The following BACH2 variants were observed in gnomAD, a reference collection of about 807,000 sequenced individuals.
BACH2 encodes BACH transcriptional regulator 2, also known as transcription regulator protein BACH2.
A neutral mutation model predicts 61.8 loss-of-function variants in BACH2; 5 were observed. The ratio of observed to expected loss-of-function variants is 0.08; its 90% CI spans 0.04 to 0.17. The LOEUF is 0.17. Ranked by LOEUF, BACH2 falls within the 10% of genes least tolerant of loss-of-function variation. The probability of loss-of-function intolerance (pLI) is 1.00; values close to 1 mark genes in which losing one functional copy is unlikely to be tolerated. For missense variants in BACH2, 824 were observed against 1,091.1 expected (o/e 0.76, Z 3.45); for synonymous variants, 446 against 440.1 (o/e 1.01, Z -0.17).
intron 5 of BACH2, among the ~76,000 whole-genome samples, chr6:90,045,040 G>A (rs1172002590): frequency 6.6e-6 from 1 of 152,128 alleles, no homozygotes; most frequent in African/African-American, 2.4e-5. Flanking sequence ...AAGCTTATGT[G>A]GGCTGAATGA....
intron 5 of BACH2, among the ~76,000 whole-genome samples, chr6:90,020,892 G>C (rs1778334960): frequency 6.6e-6 from 1 of 152,170 alleles, no homozygotes; most frequent in Non-Finnish European, 1.5e-5. Flanking sequence ...ATAGCATGGA[G>C]GAGTATGACA....
rs1772402338 is a variant in BACH2, at chr6:90,296,582, C to T, written c.-548G>A. 2.0e-5 allele frequency: 3 copies of T among 151,898 alleles called. No homozygotes were observed. The highest frequency in any genetic ancestry group is 1.9e-4 in the East Asian group (1 of 5,206). 9.4% of individuals were successfully genotyped at this position (151,898 alleles called of 1,614,324 possible). A position where few individuals can be genotyped will look rare whatever the true frequency, so the allele number is the denominator to read the frequency against. ...GGCGAGGTGGGCAGTTCGTGGGTCA[C>T]CGAAAGCTCGCGGAGGGGACGCGCA... On this transcript the variant is annotated 5_prime_UTR_variant, in exon 1 of 9. The change creates a new upstream start codon in the 5' untranslated region. Coordinates refer to ENST00000257749, the MANE Select transcript of BACH2 (RefSeq NM_021813.4).
intron 4 of BACH2, among the ~76,000 whole-genome samples, chr6:90,091,304 C>T (rs759404636): frequency 3.9e-5 from 6 of 152,018 alleles, no homozygotes; most frequent in South Asian, 4.1e-4. Context: ...TATATTGACA[C>T]GGGGAAGGCT....
intron 3 of BACH2, among the ~76,000 whole-genome samples, chr6:90,248,652 G>C (rs1316554560): frequency 2.0e-5 from 3 of 152,158 alleles, no homozygotes; most frequent in African/African-American, 7.2e-5. Flanking sequence ...GCATTTCAGG[G>C]AGAAAAGCAG....
chr6:90,005,991 C>T (rs1413948021), intron 6 of BACH2, among the ~76,000 whole-genome samples: 5 of 152,232 alleles, frequency 3.3e-5, no homozygotes, highest in South Asian at 4.2e-4. Flanking sequence ...GATTTTTGTG[C>T]GATGTCTATA....
chr6:90,148,978 C>T (rs759499939), intron 4 of BACH2, among the ~76,000 whole-genome samples: 20 of 152,166 alleles, frequency 1.3e-4, no homozygotes, highest in Non-Finnish European at 2.2e-4. Context: ...GAACCAAATG[C>T]TTCCAGAGTG....
intron 6 of BACH2, among the ~76,000 whole-genome samples, chr6:89,983,321 T>G (rs893760663): frequency 1.3e-5 from 2 of 152,224 alleles, no homozygotes; most frequent in African/African-American, 4.8e-5. Context: ...CACTTGGAAC[T>G]TGTACTCCAG....
intron 6 of BACH2, among the ~76,000 whole-genome samples, chr6:89,978,177 G>C (rs1582130460): frequency 6.6e-6 from 1 of 152,332 alleles, no homozygotes; most frequent in African/African-American, 2.4e-5. Flanking sequence ...TTATCATATA[G>C]AGTGGAGACA....
chr6:90,159,645 T>A (rs1267757483), intron 4 of BACH2, among the ~76,000 whole-genome samples: 1 of 151,612 alleles, frequency 6.6e-6, no homozygotes, highest in Non-Finnish European at 1.5e-5. Context: ...GGACATAACC[T>A]ATTTTCTCTA....
intron 5 of BACH2, among the ~76,000 whole-genome samples, chr6:90,029,531 T>A (rs954840383): frequency 4.6e-5 from 7 of 152,172 alleles, no homozygotes; most frequent in African/African-American, 1.7e-4. Context: ...CGTTTTCACA[T>A]CTCACACACA....
chr6:90,096,818 C>CTCA lies in BACH2; in HGVS notation c.-161-7710_-161-7709insTGA, dbSNP rs779171947. Reference sequence around the variant, plus strand: ...ATAGCCTCTTCTTCCCCAACAGAGGCTCTTCCTCACACGATGAGCTCAGCT... The same window carrying CTCA: ...ATAGCCTCTTCTTCCCCAACAGAGGCTCATCTTCCTCACACGATGAGCTCAGCT... On this transcript the variant is annotated intron_variant, in intron 4 of 8. Transcript: ENST00000257749. 2.4e-3 allele frequency among the ~76,000 whole-genome samples: 373 copies of CTCA among 152,322 alleles called. 1 individual carries two copies. Among genetic ancestry groups the CTCA allele is most frequent in the Non-Finnish European group, 4.4e-3 (298 of 68,034 alleles).
intron 5 of BACH2, among the ~76,000 whole-genome samples, chr6:90,042,441 C>T (rs1199831702): frequency 6.6e-6 from 1 of 151,798 alleles, no homozygotes; most frequent in Non-Finnish European, 1.5e-5. Context: ...CTGGGCTCAT[C>T]CACTCACCTC....
At chr6:90,121,292 T>C (rs1393622567) in intron 4 of BACH2, among the ~76,000 whole-genome samples, 3 of 152,200 alleles carry the variant, frequency 2.0e-5, no homozygotes, top group Non-Finnish European at 2.9e-5. Flanking sequence ...ACTGTTTAAT[T>C]GATTTTTCAA....
intron 3 of BACH2, among the ~76,000 whole-genome samples, chr6:90,210,971 A>G (rs1420815622): frequency 1.3e-5 from 2 of 152,034 alleles, no homozygotes; most frequent in Non-Finnish European, 1.5e-5. Context: ...CCTGGCCAAC[A>G]TGGAAAAACC....
At chr6:90,211,068 T>G (rs769931388) in intron 3 of BACH2, among the ~76,000 whole-genome samples, 48 of 121,958 alleles carry the variant, frequency 3.9e-4, no homozygotes, top group Admixed American at 6.0e-4. Flanking sequence ...GGCAGGAGAA[T>G]AGCCTGAACC....
intron 5 of BACH2, among the ~76,000 whole-genome samples, chr6:90,063,872 A>G (rs1463077993): frequency 2.6e-5 from 4 of 152,122 alleles, no homozygotes; most frequent in African/African-American, 4.8e-5. Flanking sequence ...ATCTAATGAT[A>G]TTTCAGAAAT....
intron 7 of BACH2, among the ~76,000 whole-genome samples, chr6:89,940,012 CTTTTCT>C (rs887923678): frequency 4.6e-5 from 7 of 151,370 alleles, no homozygotes; most frequent in Non-Finnish European, 8.8e-5. Context: ...TGAAATATTT[CTTTTCT>C]TTTTTCTTTT....
intron 4 of BACH2, among the ~76,000 whole-genome samples, chr6:90,139,428 GCA>G (rs1784389043): frequency 2.0e-5 from 3 of 152,218 alleles, no homozygotes; most frequent in South Asian, 2.1e-4. Context: ...CTGTGTGCAT[GCA>G]CAGTGACTGG....
intron 4 of BACH2, among the ~76,000 whole-genome samples, chr6:90,165,590 G>A (rs1197028088): frequency 5.3e-5 from 8 of 152,136 alleles, no homozygotes; most frequent in African/African-American, 7.2e-5. Flanking sequence ...AAAAGAGCCC[G>A]CATCGCCAAG....
Sources: gnomAD v4.1 joint callset for allele counts (sites outside exome capture counted in the v4.1 genomes callset) on GRCh38, gnomAD v4.1.1 for gene constraint, MANE v1.5 for transcripts, NCBI Gene and HGNC (gene_info 2026-07-23, HGNC 2026-07-21) for gene names.